Variants in ADCY1 observed in about 807,000 individuals in gnomAD.
ADCY1 encodes the protein adenylate cyclase type 1.
Under a neutral mutation model 105.4 loss-of-function variants are expected in ADCY1, and 28 were observed. The observed-to-expected ratio is 0.27, with a 90% confidence interval of 0.20 to 0.36. ADCY1 has a LOEUF of 0.36. Among genes scored for constraint, ADCY1 ranks in the 10% least tolerant of loss-of-function variants. The pLI, the probability that ADCY1 is intolerant of heterozygous loss-of-function variation, is 1.00. For missense variants in ADCY1, 977 were observed against 1,434.2 expected (o/e 0.68, Z 5.15); for synonymous variants, 655 against 623.8 (o/e 1.05, Z -0.75).
At chr7:45,659,555 A>T (rs753041291) in intron 6 of ADCY1, among the ~76,000 whole-genome samples, 5 of 152,016 alleles carry the variant, frequency 3.3e-5, no homozygotes, top group Admixed American at 1.3e-4. Flanking sequence ...AGCGTTTCTT[A>T]CCACCCTGCT....
rs1785454907 is a variant in ADCY1, at chr7:45,720,608, C to T, written c.*6613C>T. Reference sequence around the variant, plus strand: ...GTGTTTTTGTACCTGACAGGGGTCACTCATTTTAGGCACAACTCCTTCATT... The same window carrying T: ...GTGTTTTTGTACCTGACAGGGGTCATTCATTTTAGGCACAACTCCTTCATT... On this transcript the variant is annotated 3_prime_UTR_variant, in exon 20 of 20. Transcript: ENST00000297323. The T allele has an allele frequency of 6.6e-6, 1 of 152,050 alleles. No individual in the cohort carries two copies. The highest frequency in any genetic ancestry group is 2.4e-5 in the African/African-American group (1 of 41,398). 9.4% of individuals were successfully genotyped at this position (152,050 alleles called of 1,614,324 possible).
At chr7:45,661,864 G>C (rs1455298651) in intron 7 of ADCY1, among the ~76,000 whole-genome samples, 195 bp from the exon 8 acceptor site, 1 of 152,146 alleles carries the variant, frequency 6.6e-6, no homozygotes, top group Non-Finnish European at 1.5e-5. Flanking sequence ...CGTTTTGGAC[G>C]TGGCCCTCCC....
intron 1 of ADCY1, among the ~76,000 whole-genome samples, chr7:45,585,935 A>G (rs555810754): frequency 1.3e-5 from 2 of 151,954 alleles, no homozygotes; most frequent in African/African-American, 2.4e-5. Context: ...CCTCTCTGGG[A>G]GGTTCAGATG....
chr7:45,633,517 A>G (rs1431477262), intron 4 of ADCY1, among the ~76,000 whole-genome samples: 1 of 152,274 alleles, frequency 6.6e-6, no homozygotes. Context: ...TGCCTTTAAT[A>G]GCAAGGCCCG....
chr7:45,628,311 C>G (rs1023013817), intron 4 of ADCY1, among the ~76,000 whole-genome samples: 1 of 152,232 alleles, frequency 6.6e-6, no homozygotes, highest in African/African-American at 2.4e-5. Flanking sequence ...GCCAAGTGAG[C>G]CTCTCGCTTT....
chr7:45,578,358 C>T (rs1792415158), intron 1 of ADCY1, among the ~76,000 whole-genome samples: 1 of 152,188 alleles, frequency 6.6e-6, no homozygotes, highest in African/African-American at 2.4e-5. Flanking sequence ...CTTTCCTCTC[C>T]CAGCCCCTTG....
At position 45,708,480 on chromosome 7, in the gene ADCY1, C is replaced by G; in HGVS notation, c.2932+16C>G. ...CTCCGAGTTGGTATGTGGCTCTAAACCTATCCTGTCCATCCATGTGGAACA... is the reference window on the plus strand; with the variant it reads ...CTCCGAGTTGGTATGTGGCTCTAAAGCTATCCTGTCCATCCATGTGGAACA... On this transcript the variant is annotated intron_variant, in intron 18 of 19. Transcript: ENST00000297323. The surrounding 1 kb of genome is among the most constrained non-coding windows in gnomAD (Gnocchi z 4.7). The G allele has an allele frequency of 6.3e-7, 1 of 1,576,186 alleles. No individual in the cohort carries two copies.
At chr7:45,655,415 CAT>C (rs1047113110) in intron 5 of ADCY1, among the ~76,000 whole-genome samples, 1 of 152,178 alleles carries the variant, frequency 6.6e-6, no homozygotes, top group African/African-American at 2.4e-5. Context: ...AAAGAAAAAA[CAT>C]AGTACAAATA....
intron 2 of ADCY1, among the ~76,000 whole-genome samples, chr7:45,607,479 G>C (rs1222327679): frequency 6.6e-6 from 1 of 152,172 alleles, no homozygotes; most frequent in East Asian, 1.9e-4. Flanking sequence ...GAGGGTACAT[G>C]TGCAGGTTTG....
Position 45,647,510 on chromosome 7 carries a change from T to C in ADCY1, c.1021-1160T>C, listed in dbSNP as rs1794694863. On this transcript the variant is annotated intron_variant, in intron 4 of 19. Coordinates refer to ENST00000297323, the MANE Select transcript of ADCY1 (RefSeq NM_021116.4). The surrounding 1 kb of genome is among the most constrained non-coding windows in gnomAD (Gnocchi z 4.6). ...TCTCAGAGTGGCTGAAGGAGTTCTG[T>C]GGCCTTATAAGACCATTTCAGGGGA... Among the ~76,000 whole-genome samples, 1 of 152,204 alleles carries C rather than the reference T, an allele frequency of 6.6e-6. No homozygotes were observed. Among genetic ancestry groups the C allele is most frequent in the Non-Finnish European group, 1.5e-5 (1 of 68,034 alleles).
At chr7:45,586,730 CAG>C (rs1792737194) in intron 1 of ADCY1, among the ~76,000 whole-genome samples, 1 of 152,224 alleles carries the variant, frequency 6.6e-6, no homozygotes, top group Admixed American at 6.5e-5. Context: ...GGGGCTCAGT[CAG>C]GGAGGGGGAC....
intron 2 of ADCY1, among the ~76,000 whole-genome samples, chr7:45,601,681 G>A (rs1793245080): frequency 6.6e-6 from 1 of 152,158 alleles, no homozygotes; most frequent in African/African-American, 2.4e-5. Context: ...TGATCCTGTA[G>A]CTTCTTTGGC....
chr7:45,576,766 C>T lies in ADCY1; in HGVS notation c.639+1584C>T, dbSNP rs140090608. Among the ~76,000 whole-genome samples, 106 of 152,156 alleles carry T rather than the reference C, an allele frequency of 7.0e-4. 1 individual carries two copies. The highest frequency in any genetic ancestry group is 2.3e-3 in the African/African-American group (97 of 41,526). On this transcript the variant is annotated intron_variant, in intron 1 of 19. Transcript: ENST00000297323. Reference sequence around the variant, plus strand: ...CACAGCCAGACCCGCAACCGCAAGACGGCCTCCCCAATCTGACCAGATGCC... The same window carrying T: ...CACAGCCAGACCCGCAACCGCAAGATGGCCTCCCCAATCTGACCAGATGCC...
rs534112934 is a variant in ADCY1 at position 45,648,616 on chromosome 7, G to A, written c.1021-54G>A. ...TAGAGGTGGTGGAGCCAGCAGTGGCGCTCACAGCCTCTGTAGCGCTGTCTC... is the reference window on the plus strand; with the variant it reads ...TAGAGGTGGTGGAGCCAGCAGTGGCACTCACAGCCTCTGTAGCGCTGTCTC... On this transcript the variant is annotated intron_variant, in intron 4 of 19. Coordinates refer to ENST00000297323, the MANE Select transcript of ADCY1 (RefSeq NM_021116.4). 245 of 1,608,264 alleles carry A rather than the reference G, an allele frequency of 1.5e-4. 1 individual carries two copies. The East Asian group carries it at 2.8e-3, about 18-fold the overall frequency.
chr7:45,592,033 C>T (rs1792931745), intron 1 of ADCY1, among the ~76,000 whole-genome samples: 1 of 151,628 alleles, frequency 6.6e-6, no homozygotes, highest in African/African-American at 2.4e-5. Flanking sequence ...AAATCAACAT[C>T]TGGGCTGTTT....
At chr7:45,679,045 AT>A (rs1243402274) in intron 10 of ADCY1, among the ~76,000 whole-genome samples, 1 of 152,222 alleles carries the variant, frequency 6.6e-6, no homozygotes, top group African/African-American at 2.4e-5. Flanking sequence ...ATATAAGTAA[AT>A]GTGAGTTTGG....
chr7:45,678,014 A>G lies in ADCY1; in HGVS notation c.1751A>G (p.Asp584Gly), dbSNP rs1170211887. The change falls in exon 9 of 20, where the codon GAC becomes GGC. Residue 584 changes from aspartate (D) to glycine (G), a missense_variant. This residue lies in a region of ADCY1 where 275 missense variants were observed against 362.1 expected (regional missense o/e 0.76). Coordinates refer to ENST00000297323, the MANE Select transcript of ADCY1 (RefSeq NM_021116.4). ...CGCCAGACAGAGCTGGAGATGGCAG[A>G]CCTGAACTTCTTTACCCTGAAGTAC... ...EARQTELEMA[D>G]LNFFTLKYKH... The G allele has an allele frequency of 6.2e-7, 1 of 1,614,072 alleles. No individual in the cohort carries two copies. The highest frequency in any genetic ancestry group is 8.5e-7 in the Non-Finnish European group (1 of 1,180,034).
Position 45,710,088 on chromosome 7 carries a change from C to G in ADCY1, c.2933-440C>G, listed in dbSNP as rs2461112. 0.36 allele frequency among the ~76,000 whole-genome samples: 55,415 copies of G among 152,094 alleles called. 11,748 individuals carry two copies. The highest frequency in any genetic ancestry group is 0.63 in the South Asian group (3,049 of 4,820). ...TCTAAAATAGCCATAAGGTCACATTCTGAGAAAAGGTCCGGAGCTGCTATT... is the reference window on the plus strand; with the variant it reads ...TCTAAAATAGCCATAAGGTCACATTGTGAGAAAAGGTCCGGAGCTGCTATT... On this transcript the variant is annotated intron_variant, in intron 18 of 19. Transcript: ENST00000297323. This position sits in a 1 kb window ranked among gnomAD's most constrained non-coding sequence, Gnocchi z 4.7.
intron 1 of ADCY1, among the ~76,000 whole-genome samples, chr7:45,587,476 A>G (rs550338099): frequency 4.5e-4 from 69 of 152,304 alleles, no homozygotes; most frequent in African/African-American, 1.6e-3. Flanking sequence ...TGTCAGGGGC[A>G]GGGCCTGATG....
Sources: allele counts gnomAD v4.1 joint callset (sites outside exome capture counted in the v4.1 genomes callset), GRCh38; gene constraint gnomAD v4.1.1; regional missense constraint gnomAD v4.1.1; non-coding constraint Gnocchi (gnomAD v3.1); transcripts MANE v1.5; gene names NCBI Gene and HGNC (gene_info 2026-07-23, HGNC 2026-07-21).